The following EPHB3 variants were observed in gnomAD, a reference collection of about 807,000 sequenced individuals.
The protein encoded by EPHB3 is EPH receptor B3.
EPHB3 carries 33 observed loss-of-function variants against 100.2 expected under a neutral mutation model. The ratio of observed to expected loss-of-function variants is 0.33; its 90% CI spans 0.25 to 0.44. The LOEUF (loss-of-function observed/expected upper bound fraction) is 0.44. Among genes scored for constraint, EPHB3 ranks in the 20% least tolerant of loss-of-function variants. EPHB3 has a pLI of 1.00. For synonymous variants in EPHB3, 526 were observed against 554.7 expected, an observed-to-expected ratio of 0.95 and a Z score of 0.73; for missense variants, 1,045 against 1,378.3, an observed-to-expected ratio of 0.76 and a Z score of 3.83.
At position 184,580,533 on chromosome 3, in the gene EPHB3, C is replaced by T; in HGVS notation, c.2304C>T (p.Ser768=). The T allele has an allele frequency of 6.2e-7, 1 of 1,614,238 alleles. No homozygotes were observed. Among genetic ancestry groups the T allele is most frequent in the Non-Finnish European group, 8.5e-7 (1 of 1,180,036 alleles). ...CTGCTCGCAACATCCTTGTCAACAG[C>T]AACCTGGTCTGCAAAGTCTCAGACT... ...DLAARNILVN[S]NLVCKVSDFG... The change falls in exon 12 of 16, where the codon AGC becomes AGT. Residue 768 remains serine, a synonymous_variant. Coordinates refer to ENST00000330394, the MANE Select transcript of EPHB3 (RefSeq NM_004443.4).
chr3:184,580,989 G>T lies in EPHB3; in HGVS notation c.2556G>T (p.Glu852Asp). ...CGGCCCAGGTCATCAATGCCGTGGA[G>T]CAGGATTACCGGCTGCCACCACCCA... ...MSNQDVINAV[E>D]QDYRLPPPMD... Residue 852 changes from glutamate to aspartate, a missense_variant, in exon 14 of 16, where the codon GAG becomes GAT. Physicochemically the swap from Glu to Asp is conservative, Grantham distance 45 (BLOSUM62 2). This residue lies in a region of EPHB3 where 985 missense variants were observed against 1,331.1 expected (regional missense o/e 0.74). Coordinates refer to ENST00000330394, the MANE Select transcript of EPHB3 (RefSeq NM_004443.4). The T allele has an allele frequency of 6.2e-7, 1 of 1,612,000 alleles. No individual in the cohort carries two copies. Among genetic ancestry groups the T allele is most frequent in the Non-Finnish European group, 8.5e-7 (1 of 1,178,302 alleles).
rs752102362 is a variant in EPHB3 at position 184,581,303 on chromosome 3, C to T, written c.2783C>T (p.Thr928Met). ...DRTVPDYTTFTTVGDWLDAIK... is the reference protein window; with the variant it reads ...DRTVPDYTTFMTVGDWLDAIK... ...ACGGTCCCAGATTACACAACCTTCA[C>T]GACAGTTGGTGATTGGCTGGATGCC... is the stretch of plus-strand genomic sequence containing the variant. The change falls in exon 15 of 16, where the codon ACG (threonine) becomes ATG (methionine). Residue 928 changes from threonine to methionine, a missense_variant. Transcript: ENST00000330394. 1.7e-5 allele frequency: 27 copies of T among 1,608,212 alleles called. No homozygotes were observed. The highest frequency in any genetic ancestry group is 8.9e-5 in the East Asian group (4 of 44,862).
intron 1 of EPHB3, among the ~76,000 whole-genome samples, chr3:184,568,970 C>T (rs1714467492): frequency 7.0e-6 from 1 of 142,458 alleles, no homozygotes. Flanking sequence ...CTTCCCGCCG[C>T]CGCCTCTCCG....
At position 184,572,497 on chromosome 3, in the gene EPHB3, T is replaced by C; in HGVS notation, c.184-7T>C. 1 of 1,560,770 alleles carries C rather than the reference T, an allele frequency of 6.4e-7. No individual in the cohort carries two copies. Among genetic ancestry groups the C allele is most frequent in the Non-Finnish European group, 8.6e-7 (1 of 1,158,584 alleles). On this transcript the variant is annotated splice_region_variant and splice_polypyrimidine_tract_variant and intron_variant, in intron 2 of 15. Transcript: ENST00000330394. The surrounding 1 kb of genome is among the most constrained non-coding windows in gnomAD (Gnocchi z 6.6). The stretch of plus-strand genomic sequence containing the variant: ...TCACTCTGTCTTTTTCATTGGTCCA[T>C]GCACAGTGGGAAGAGGTGAGTGGCT...
Position 184,581,339 on chromosome 3 carries a change from G to T in EPHB3, c.2819G>T (p.Gly940Val). 1 of 1,610,406 alleles carries T rather than the reference G, an allele frequency of 6.2e-7. No homozygotes were observed. The highest frequency in any genetic ancestry group is 8.5e-7 in the Non-Finnish European group (1 of 1,177,884). Residue 940 changes from glycine to valine, a missense_variant, in exon 15 of 16, where the codon GGG becomes GTG. Physicochemically the swap from Gly to Val is moderately radical, Grantham distance 109 (BLOSUM62 -3). Coordinates refer to ENST00000330394, the MANE Select transcript of EPHB3 (RefSeq NM_004443.4). ...VGDWLDAIKMGRYKESFVSAG... is the reference protein window; with the variant it reads ...VGDWLDAIKMVRYKESFVSAG... ...GATTGGCTGGATGCCATCAAGATGG[G>T]GCGGTACAAGGAGAGCTTCGTCAGT...
Position 184,578,498 on chromosome 3 carries a change from C to T in EPHB3, c.1801+32C>T. ...TTGTCCCCGCCGCCCTCCCCAAGCT[C>T]TCCCAGCCCCCTGCAGGGCTCTCAG... On this transcript the variant is annotated intron_variant, in intron 9 of 15. Transcript: ENST00000330394. The surrounding 1 kb of genome is among the most constrained non-coding windows in gnomAD (Gnocchi z 4.7). 3.7e-6 allele frequency: 6 copies of T among 1,612,748 alleles called. No individual in the cohort carries two copies. The highest frequency in any genetic ancestry group is 5.1e-6 in the Non-Finnish European group (6 of 1,179,446).
chr3:184,571,445 C>A lies in EPHB3; in HGVS notation c.183+63C>A. On this transcript the variant is annotated intron_variant, in intron 2 of 15. Transcript: ENST00000330394. This position sits in a 1 kb window ranked among gnomAD's most constrained non-coding sequence, Gnocchi z 5.0. ...CATTAGGCCTCCCCCCACTTCCAGC[C>A]TCCGTGCCCCCTCATCTCACCAGGG... 1 of 1,575,224 alleles carries A rather than the reference C, an allele frequency of 6.3e-7. No homozygotes were observed. The highest frequency in any genetic ancestry group is 8.7e-7 in the Non-Finnish European group (1 of 1,147,148).
In EPHB3 at chr3:184,573,140, G is replaced by A. The variant is rs1257133837; in HGVS notation, c.820G>A (p.Gly274Ser). Reference sequence around the variant, plus strand: ...TGTGGGTGCCTGCACCTGTGCCACCGGCCATGAGCCAGCTGCCAAGGAGTC... The same window carrying A: ...TGTGGGTGCCTGCACCTGTGCCACCAGCCATGAGCCAGCTGCCAAGGAGTC... ...VPVGACTCAT[G>S]HEPAAKESQC... Residue 274 changes from glycine to serine, a missense_variant, in exon 3 of 16, where the codon GGC becomes AGC. By Grantham distance (56) the Gly-to-Ser change is moderately conservative (BLOSUM62 0). This residue lies in a region of EPHB3 where 985 missense variants were observed against 1,331.1 expected (regional missense o/e 0.74). Coordinates refer to ENST00000330394, the MANE Select transcript of EPHB3 (RefSeq NM_004443.4). This position sits in a 1 kb window ranked among gnomAD's most constrained non-coding sequence, Gnocchi z 4.5. The A allele has an allele frequency of 6.2e-6, 10 of 1,612,642 alleles. No homozygotes were observed. Among genetic ancestry groups the A allele is most frequent in the Non-Finnish European group, 3.4e-6 (4 of 1,180,018 alleles).
chr3:184,566,649 G>T lies in EPHB3; in HGVS notation c.118+4296G>T, dbSNP rs373535780. Among the ~76,000 whole-genome samples the T allele has an allele frequency of 5.3e-5, 8 of 152,274 alleles. No individual in the cohort carries two copies. The East Asian group carries it at 1.2e-3, about 22-fold the overall frequency. ...AAGGGACTCCGTGAAGAGGAGGAGG[G>T]TGTCCAACTCGGGTGGCATAGCACT... On this transcript the variant is annotated intron_variant, in intron 1 of 15. Coordinates refer to ENST00000330394, the MANE Select transcript of EPHB3 (RefSeq NM_004443.4).
At position 184,579,788 on chromosome 3, in the gene EPHB3, C is replaced by T. The variant is rs55824948; in HGVS notation, c.2026C>T (p.Arg676Trp). Residue 676 changes from arginine to tryptophan, a missense_variant, in exon 11 of 16, where the codon CGG (arginine) becomes TGG (tryptophan). Arg to Trp is a moderately radical substitution (Grantham distance 101, BLOSUM62 -3). Coordinates refer to ENST00000330394, the MANE Select transcript of EPHB3 (RefSeq NM_004443.4). This position sits in a 1 kb window ranked among gnomAD's most constrained non-coding sequence, Gnocchi z 5.2. ...TLKVGYTERQ[R>W]RDFLSEASIM... Reference sequence around the variant, plus strand: ...GAAGGTGGGCTACACCGAGAGGCAGCGGCGGGACTTCCTAAGCGAGGCCTC... The same window carrying T: ...GAAGGTGGGCTACACCGAGAGGCAGTGGCGGGACTTCCTAAGCGAGGCCTC... 2.5e-6 allele frequency: 4 copies of T among 1,613,724 alleles called. No individual in the cohort carries two copies. The highest frequency in any genetic ancestry group is 1.3e-5 in the African/African-American group (1 of 74,810).
intron 4 of EPHB3, among the ~76,000 whole-genome samples, chr3:184,576,315 G>A (rs531313635): frequency 2.0e-5 from 3 of 151,686 alleles, no homozygotes; most frequent in South Asian, 4.1e-4. Flanking sequence ...TGGCCTTCTA[G>A]TCCGTTGCCC....
chr3:184,578,191 C>A lies in EPHB3; in HGVS notation c.1748+185C>A. On this transcript the variant is annotated intron_variant, in intron 8 of 15. Transcript: ENST00000330394. This position sits in a 1 kb window ranked among gnomAD's most constrained non-coding sequence, Gnocchi z 4.7. ...TGCCTGTGTCTTCATCCCGCCCTTT[C>A]TCCATACCCCATTCCCTGAATCTCC... The A allele has an allele frequency of 1.2e-6, 1 of 858,406 alleles. No individual in the cohort carries two copies. Among genetic ancestry groups the A allele is most frequent in the Non-Finnish European group, 1.8e-6 (1 of 567,614 alleles). 53.2% of individuals were successfully genotyped at this position (858,406 alleles called of 1,614,324 possible). A position where few individuals can be genotyped will look rare whatever the true frequency, so the allele number is the denominator to read the frequency against.
At position 184,578,251 on chromosome 3, in the gene EPHB3, C is replaced by A. The variant is rs1229702321; in HGVS notation, c.1749-163C>A. 2.8e-6 allele frequency: 3 copies of A among 1,075,568 alleles called. No individual in the cohort carries two copies. Among genetic ancestry groups the A allele is most frequent in the Non-Finnish European group, 4.1e-6 (3 of 740,606 alleles). The allele number at this position is 1,075,568 out of a possible 1,614,324, so 66.6% of individuals were successfully genotyped here. On this transcript the variant is annotated intron_variant, in intron 8 of 15. Transcript: ENST00000330394. The surrounding 1 kb of genome is among the most constrained non-coding windows in gnomAD (Gnocchi z 4.7). ...CCCTAGGGACTGAGTCCACTGAACCCCTTGCTCAGACACCCAGAGACTGCT... is the reference window on the plus strand; with the variant it reads ...CCCTAGGGACTGAGTCCACTGAACCACTTGCTCAGACACCCAGAGACTGCT...
At position 184,577,418 on chromosome 3, in the gene EPHB3, A is replaced by G. The variant is rs780497068; in HGVS notation, c.1430A>G (p.Glu477Gly). 7 of 1,613,896 alleles carry G rather than the reference A, an allele frequency of 4.3e-6. No homozygotes were observed. In the East Asian group the frequency reaches 1.6e-4, roughly 36 times the overall value. Residue 477 changes from glutamate (E) to glycine (G), a missense_variant, in exon 6 of 16, where the codon GAG (glutamate) becomes GGG (glycine). Physicochemically the swap from Glu to Gly is moderately conservative, Grantham distance 98 (BLOSUM62 -2). Transcript: ENST00000330394. This position sits in a 1 kb window ranked among gnomAD's most constrained non-coding sequence, Gnocchi z 4.9. ...CTCACCCTATCCTGGGCACCCCCAG[A>G]GCGGCCCAACGGAGTCATCCTGGAC... ...SSLTLSWAPPERPNGVILDYE... is the reference protein window; with the variant it reads ...SSLTLSWAPPGRPNGVILDYE...
In EPHB3 at chr3:184,576,012, C is replaced by A. The variant is rs747799049; in HGVS notation, c.1012+27C>A. 3 of 1,577,930 alleles carry A rather than the reference C, an allele frequency of 1.9e-6. No homozygotes were observed. In the Admixed American group the frequency reaches 5.2e-5, roughly 27 times the overall value. On this transcript the variant is annotated intron_variant, in intron 4 of 15. Coordinates refer to ENST00000330394, the MANE Select transcript of EPHB3 (RefSeq NM_004443.4). ...TGAGTGAACGCGTGACCTCTCTTTC[C>A]CTCTGCAGGCCTTCCCTCTGGGGGG...
chr3:184,573,519 A>T lies in EPHB3; in HGVS notation c.856+343A>T, dbSNP rs1272323903. ...GCTCGCTTTGTCCCGGCCTGAGTGT[A>T]TGCTTCACCCTGAAAGTGGTAGGTT... On this transcript the variant is annotated intron_variant, in intron 3 of 15. Transcript: ENST00000330394. The surrounding 1 kb of genome is among the most constrained non-coding windows in gnomAD (Gnocchi z 4.5). Among the ~76,000 whole-genome samples, 4 of 152,106 alleles carry T rather than the reference A, an allele frequency of 2.6e-5. No individual in the cohort carries two copies. The East Asian group carries it at 7.7e-4, about 29-fold the overall frequency.
At position 184,572,586 on chromosome 3, in the gene EPHB3, A is replaced by G; in HGVS notation, c.266A>G (p.Asn89Ser). 1 of 1,545,928 alleles carries G rather than the reference A, an allele frequency of 6.5e-7. No homozygotes were observed. The highest frequency in any genetic ancestry group is 8.7e-7 in the Non-Finnish European group (1 of 1,148,200). ...TGTAATGTGCGCGAGTCAAGCCAGA[A>G]CAACTGGCTTCGCACGGGGTTCATC... ...QVCNVRESSQNNWLRTGFIWR... is the reference protein window; with the variant it reads ...QVCNVRESSQSNWLRTGFIWR... The change falls in exon 3 of 16, where the codon AAC becomes AGC. Residue 89 changes from asparagine to serine, a missense_variant. Coordinates refer to ENST00000330394, the MANE Select transcript of EPHB3 (RefSeq NM_004443.4). The surrounding 1 kb of genome is among the most constrained non-coding windows in gnomAD (Gnocchi z 6.6).
rs1338051928 is a variant in EPHB3 at position 184,569,057 on chromosome 3, G to A, written c.119-2261G>A. Among the ~76,000 whole-genome samples, 1 of 152,174 alleles carries A rather than the reference G, an allele frequency of 6.6e-6. No individual in the cohort carries two copies. Among genetic ancestry groups the A allele is most frequent in the Non-Finnish European group, 1.5e-5 (1 of 68,028 alleles). On this transcript the variant is annotated intron_variant, in intron 1 of 15. Transcript: ENST00000330394. This position sits in a 1 kb window ranked among gnomAD's most constrained non-coding sequence, Gnocchi z 5.4. The stretch of plus-strand genomic sequence containing the variant: ...AAACTGTGGAGGAATCTGGCTGGAG[G>A]GGGAGGGGGCTGAATATTTGGGTTT...
intron 3 of EPHB3, among the ~76,000 whole-genome samples, 170 bp from the exon 4 acceptor site, chr3:184,575,660 G>A (rs1013021810): frequency 2.6e-5 from 4 of 152,154 alleles, no homozygotes; most frequent in Non-Finnish European, 5.9e-5. Context: ...GGGCAATAGG[G>A]CCTTTTGTAG....
Sources: gnomAD v4.1 joint callset for allele counts (sites outside exome capture counted in the v4.1 genomes callset) on GRCh38, gnomAD v4.1.1 for gene constraint, gnomAD v4.1.1 regional missense constraint, Gnocchi (gnomAD v3.1) non-coding constraint, MANE v1.5 for transcripts, NCBI Gene and HGNC (gene_info 2026-07-23, HGNC 2026-07-21) for gene names.